Variants in RERE observed in about 807,000 individuals in gnomAD.
RERE encodes arginine-glutamic acid dipeptide repeats.
In RERE, 40 loss-of-function variants were observed where a neutral mutation model predicts 146.1. The observed-to-expected ratio is 0.27, with a 90% CI of 0.21 to 0.36. The LOEUF (loss-of-function observed/expected upper bound fraction) is 0.36. RERE is among the 10% of genes least tolerant of loss of function. RERE has a pLI of 1.00. For missense variants in RERE, 1,933 were observed against 2,138.7 expected, an observed-to-expected ratio of 0.90 and a Z score of 1.90; for synonymous variants, 1,003 against 866.0, an observed-to-expected ratio of 1.16 and a Z score of -2.78.
chr1:8,613,440 A>C (rs773632452), intron 4 of RERE, among the ~76,000 whole-genome samples: 3 of 152,080 alleles, frequency 2.0e-5, no homozygotes, highest in Non-Finnish European at 4.4e-5. Context: ...GTACACCTGG[A>C]AGGCTCCTAC....
At chr1:8,671,734 T>C (rs753793765) in intron 1 of RERE, among the ~76,000 whole-genome samples, 2 of 152,320 alleles carry the variant, frequency 1.3e-5, no homozygotes, top group South Asian at 4.1e-4. Flanking sequence ...ATTATATGAA[T>C]TTAAAACAAA....
chr1:8,513,470 A>C (rs1645369340), intron 7 of RERE, among the ~76,000 whole-genome samples: 1 of 152,230 alleles, frequency 6.6e-6, no homozygotes, highest in Non-Finnish European at 1.5e-5. Flanking sequence ...CAGTGATGTA[A>C]CTAGAAAAGG....
intron 1 of RERE, among the ~76,000 whole-genome samples, chr1:8,727,868 T>C (rs1640002913): frequency 6.6e-6 from 1 of 152,236 alleles, no homozygotes; most frequent in South Asian, 2.1e-4. Context: ...TCTTCTAATT[T>C]GCTTATTTAA....
chr1:8,515,035 T>C (rs1378952219), intron 7 of RERE, among the ~76,000 whole-genome samples: 1 of 152,200 alleles, frequency 6.6e-6, no homozygotes, highest in Non-Finnish European at 1.5e-5. Flanking sequence ...CATGTTAGTA[T>C]TGCTATTCAC....
intron 10 of RERE, among the ~76,000 whole-genome samples, chr1:8,489,846 C>T (rs1644953214): frequency 1.3e-5 from 2 of 151,378 alleles, no homozygotes; most frequent in Non-Finnish European, 2.9e-5. Flanking sequence ...GTCAGGAGAT[C>T]GAGATCATCC....
At position 8,666,949 on chromosome 1, in the gene RERE, G is replaced by A. The variant is rs1570585257; in HGVS notation, c.-144-10508C>T. ...TTATATACTCATTCTCAGAATATAC[G>A]GCTTATTTAAGGAACCTAAATAACT... On this transcript the variant is annotated intron_variant, in intron 1 of 22. Transcript: ENST00000400908. 2.6e-5 allele frequency among the ~76,000 whole-genome samples: 4 copies of A among 152,208 alleles called. No individual in the cohort carries two copies. In the South Asian group the frequency reaches 8.3e-4, roughly 32 times the overall value.
chr1:8,692,943 A>G (rs1028523167), intron 1 of RERE, among the ~76,000 whole-genome samples: 1 of 152,222 alleles, frequency 6.6e-6, no homozygotes, highest in African/African-American at 2.4e-5. Flanking sequence ...CATGTAATGC[A>G]TAAGATTTAT....
At position 8,358,607 on chromosome 1, in the gene RERE, G is replaced by T. The variant is rs638843; in HGVS notation, c.3928C>A (p.Arg1310=). Residue 1310 remains arginine, a synonymous_variant, in exon 20 of 23, where the codon CGA becomes AGA. Transcript: ENST00000400908. The part of the protein sequence containing the change: ...RERELREREI[R]EREIRERELR... ...TCCCGCTCTCGGATCTCCCGCTCTC[G>T]GATCTCCCGCTCCCGGAGCTCCCGC... 1.3e-6 allele frequency: 2 copies of T among 1,598,366 alleles called. No individual in the cohort carries two copies. The highest frequency in any genetic ancestry group is 1.7e-6 in the Non-Finnish European group (2 of 1,173,048).
chr1:8,488,614 T>C lies in RERE; in HGVS notation c.1104+6449A>G, dbSNP rs560686793. ...ACATGGAAATGGAAATTACCTCAAA[T>C]AGCCAAAGCAATCTTTAAAATCACA... On this transcript the variant is annotated intron_variant, in intron 10 of 22. Coordinates refer to ENST00000400908, the MANE Select transcript of RERE (RefSeq NM_001042681.2). Among the ~76,000 whole-genome samples the C allele has an allele frequency of 1.1e-4, 17 of 152,260 alleles. No individual in the cohort carries two copies. The East Asian group carries it at 2.9e-3, about 26-fold the overall frequency.
chr1:8,692,426 C>T (rs1305618175), intron 1 of RERE, among the ~76,000 whole-genome samples: 1 of 151,466 alleles, frequency 6.6e-6, no homozygotes, highest in African/African-American at 2.4e-5. Context: ...CAGCTCACTG[C>T]AACTTCTGCC....
intron 12 of RERE, among the ~76,000 whole-genome samples, chr1:8,396,509 C>G (rs1338431197): frequency 6.6e-6 from 1 of 152,166 alleles, no homozygotes; most frequent in Non-Finnish European, 1.5e-5. Flanking sequence ...CAGCTACAAG[C>G]AGGATCTTCA....
intron 1 of RERE, among the ~76,000 whole-genome samples, chr1:8,708,925 T>G (rs2124452929): frequency 7.1e-6 from 1 of 141,488 alleles, no homozygotes; most frequent in East Asian, 2.0e-4. Flanking sequence ...TTTTTTTTTT[T>G]TTTTTGAGAC....
intron 3 of RERE, among the ~76,000 whole-genome samples, 196 bp downstream of exon 3, chr1:8,624,114 T>C (rs1337115950): frequency 6.6e-6 from 1 of 152,228 alleles, no homozygotes; most frequent in African/African-American, 2.4e-5. Context: ...ATAAGCATTA[T>C]GAGAGTAAGT....
chr1:8,470,922 G>T (rs1380627443), intron 10 of RERE, among the ~76,000 whole-genome samples: 1 of 134,304 alleles, frequency 7.4e-6, no homozygotes, highest in South Asian at 2.6e-4. Context: ...AGGTTCAAGC[G>T]ATTCTCCTGC....
intron 11 of RERE, among the ~76,000 whole-genome samples, chr1:8,456,183 T>C (rs1644451413): frequency 6.6e-6 from 1 of 152,178 alleles, no homozygotes; most frequent in Non-Finnish European, 1.5e-5. Context: ...GAAAGGAAGA[T>C]TTTTGAGATG....
At chr1:8,426,284 C>G (rs1319362479) in intron 11 of RERE, among the ~76,000 whole-genome samples, 4 of 151,934 alleles carry the variant, frequency 2.6e-5, no homozygotes, top group African/African-American at 9.7e-5. Context: ...GAAACCCCGT[C>G]TCTACTAAAA....
chr1:8,547,009 A>T (rs970885546), intron 6 of RERE, among the ~76,000 whole-genome samples: 2 of 151,896 alleles, frequency 1.3e-5, no homozygotes, highest in Non-Finnish European at 2.9e-5. Context: ...AGATAGGAAA[A>T]CTCAAACTGG....
intron 1 of RERE, among the ~76,000 whole-genome samples, chr1:8,795,312 C>T (rs1462687784): frequency 6.6e-6 from 1 of 151,928 alleles, no homozygotes; most frequent in Non-Finnish European, 1.5e-5. Flanking sequence ...GTGTAAGCCA[C>T]CGCCCCCGGC....
rs1287961548 is a variant in RERE at position 8,644,816 on chromosome 1, C to G, written c.325+11157G>C. ...TGACTAGACATACAATTTTTGGCAA[C>G]AGGAGAGCTATAAATAATTTTAGGA... On this transcript the variant is annotated intron_variant, in intron 2 of 22. Coordinates refer to ENST00000400908, the MANE Select transcript of RERE (RefSeq NM_001042681.2). 2.0e-5 allele frequency among the ~76,000 whole-genome samples: 3 copies of G among 152,074 alleles called. No individual in the cohort carries two copies. The East Asian group carries it at 5.8e-4, about 29-fold the overall frequency.
Sources: gnomAD v4.1 joint callset for allele counts (sites outside exome capture counted in the v4.1 genomes callset) on GRCh38, gnomAD v4.1.1 for gene constraint, MANE v1.5 for transcripts, NCBI Gene and HGNC (gene_info 2026-07-23, HGNC 2026-07-21) for gene names.